The following TRPC1 variants were observed in gnomAD, a reference collection of about 807,000 sequenced individuals.
The protein encoded by TRPC1 is short transient receptor potential channel 1.
A neutral mutation model predicts 88.2 loss-of-function variants in TRPC1; 42 were observed. The ratio of observed to expected loss-of-function variants is 0.48; its 90% CI spans 0.37 to 0.62. TRPC1 has a LOEUF of 0.62. Ranked by LOEUF, TRPC1 falls within the 20% of genes least tolerant of loss-of-function variation. The pLI is 0.00. For missense variants in TRPC1, 699 were observed against 957.3 expected (o/e 0.73, Z 3.56); for synonymous variants, 288 against 331.8 (o/e 0.87, Z 1.43).
intron 5 of TRPC1, 57 bp from the exon 6 acceptor site, chr3:142,780,777 T>A: frequency 2.0e-6 from 3 of 1,491,266 alleles, no homozygotes; most frequent in Non-Finnish European, 1.8e-6. Flanking sequence ...TTAGTGAATA[T>A]AGCTTAATTA....
intron 4 of TRPC1, among the ~76,000 whole-genome samples, chr3:142,758,068 AT>A (rs958710458): frequency 4.0e-5 from 6 of 150,766 alleles, no homozygotes; most frequent in South Asian, 4.2e-4. Flanking sequence ...TATTCTTTCT[AT>A]TTTTTTTTGT....
chr3:142,763,983 T>TATATATATATATATACACAC (rs1441314374), intron 4 of TRPC1, among the ~76,000 whole-genome samples: 1 of 74,348 alleles, frequency 1.3e-5, no homozygotes. Context: ...TATATATATA[T>TATATATATATATATACACAC]ACACATACAT....
At chr3:142,729,082 T>C (rs191216910) in intron 1 of TRPC1, among the ~76,000 whole-genome samples, 1 of 152,340 alleles carries the variant, frequency 6.6e-6, no homozygotes, top group Admixed American at 6.5e-5. Flanking sequence ...TTTTACAATG[T>C]AATAGTTGAA....
In TRPC1 at chr3:142,807,571, T is replaced by C. The variant is rs559740756; in HGVS notation, c.*1336T>C. Reference sequence around the variant, plus strand: ...ACCGATCCAGGGATCATTGTCTAAATAGGTTACTATTGTTTGTTTCATCTT... The same window carrying C: ...ACCGATCCAGGGATCATTGTCTAAACAGGTTACTATTGTTTGTTTCATCTT... On this transcript the variant is annotated 3_prime_UTR_variant, in exon 13 of 13. Coordinates refer to ENST00000476941, the MANE Select transcript of TRPC1 (RefSeq NM_001251845.2). 6.6e-6 allele frequency: 1 copy of C among 152,348 alleles called. No homozygotes were observed. Among genetic ancestry groups the C allele is most frequent in the Admixed American group, 6.5e-5 (1 of 15,304 alleles). The allele number at this position is 152,348 out of a possible 1,614,324, so 9.4% of individuals were successfully genotyped here. A position where few individuals can be genotyped will look rare whatever the true frequency, so the allele number is the denominator to read the frequency against.
chr3:142,764,235 T>C (rs1192771368), intron 4 of TRPC1, among the ~76,000 whole-genome samples: 1 of 152,002 alleles, frequency 6.6e-6, no homozygotes, highest in Non-Finnish European at 1.5e-5. Flanking sequence ...ATAGTTATTA[T>C]TGTTTTTGAT....
At chr3:142,772,731 G>A (rs1469172814) in intron 4 of TRPC1, among the ~76,000 whole-genome samples, 1 of 152,148 alleles carries the variant, frequency 6.6e-6, no homozygotes, top group Non-Finnish European at 1.5e-5. Flanking sequence ...AGGCTGCAGT[G>A]AGCTGAGATC....
intron 1 of TRPC1, among the ~76,000 whole-genome samples, chr3:142,733,277 C>T (rs1222538122): frequency 2.0e-5 from 3 of 152,070 alleles, no homozygotes; most frequent in Non-Finnish European, 4.4e-5. Flanking sequence ...TTTGGGAGGC[C>T]AAGGCGGGCA....
intron 4 of TRPC1, among the ~76,000 whole-genome samples, chr3:142,752,308 T>C (rs3207938): frequency 3.4e-4 from 52 of 151,712 alleles, no homozygotes; most frequent in African/African-American, 1.2e-3. Flanking sequence ...ACAAAATACA[T>C]GTGAGCAAAA....
rs1560113862 is a variant in TRPC1, at chr3:142,785,019, C to T, written c.1276C>T (p.Leu426Phe). The T allele has an allele frequency of 3.1e-6, 5 of 1,604,854 alleles. No individual in the cohort carries two copies. The Admixed American group carries it at 5.1e-5, about 16-fold the overall frequency. Reference protein sequence around the residue: ...MGPALERIDYLLILWIIGMIW... With the variant: ...MGPALERIDYFLILWIIGMIW... ...GCCAGCCCTTGAAAGAATAGACTAT[C>T]TTCTTATTCTGTGGATTATTGGTAA... The change falls in exon 7 of 13, where the codon CTT becomes TTT. Residue 426 changes from leucine to phenylalanine, a missense_variant. Physicochemically the swap from Leu to Phe is conservative, Grantham distance 22 (BLOSUM62 0). Around this residue, in one of 4 missense-constraint regions of TRPC1, gnomAD observed 426 missense variants for 641.3 expected, o/e 0.66. Transcript: ENST00000476941.
chr3:142,742,158 G>C (rs911083150), intron 2 of TRPC1, among the ~76,000 whole-genome samples: 5 of 120,670 alleles, frequency 4.1e-5, no homozygotes, highest in East Asian at 2.2e-4. Context: ...GCAAGACTCT[G>C]TCTCAAAAAA....
intron 9 of TRPC1, among the ~76,000 whole-genome samples, chr3:142,796,898 T>G (rs1052400217): frequency 6.6e-6 from 1 of 152,132 alleles, no homozygotes; most frequent in Non-Finnish European, 1.5e-5. Flanking sequence ...GTTTTACTCC[T>G]GCTGTCCAAG....
intron 4 of TRPC1, among the ~76,000 whole-genome samples, chr3:142,774,510 G>T (rs1390515041): frequency 6.6e-6 from 1 of 152,166 alleles, no homozygotes; most frequent in Non-Finnish European, 1.5e-5. Flanking sequence ...ACCCTGGCAT[G>T]AAACTACAAG....
intron 7 of TRPC1, among the ~76,000 whole-genome samples, chr3:142,786,402 A>T (rs1252030205): frequency 1.3e-5 from 2 of 152,174 alleles, no homozygotes; most frequent in Non-Finnish European, 2.9e-5. Flanking sequence ...ATTTCAGGTA[A>T]CTAGATTGTA....
intron 4 of TRPC1, among the ~76,000 whole-genome samples, chr3:142,777,001 A>G (rs1359372855): frequency 6.6e-6 from 1 of 151,574 alleles, no homozygotes; most frequent in African/African-American, 2.4e-5. Flanking sequence ...TGTTATTAGC[A>G]TATTTTATTT....
intron 4 of TRPC1, among the ~76,000 whole-genome samples, chr3:142,759,184 T>C (rs1935091747): frequency 6.6e-6 from 1 of 152,226 alleles, no homozygotes. Context: ...CCTTTGGGTA[T>C]ATACCCAGTA....
In TRPC1 at chr3:142,767,069, C is replaced by G. The variant is rs141114438; in HGVS notation, c.633-10563C>G. 1.3e-5 allele frequency among the ~76,000 whole-genome samples: 2 copies of G among 152,268 alleles called. No homozygotes were observed. The highest frequency in any genetic ancestry group is 3.9e-4 in the East Asian group (2 of 5,188). The stretch of plus-strand genomic sequence containing the variant: ...TGCCATCTTAAAAATATTGAATTAT[C>G]CAACCATTGAACATGGTATATCTCT... On this transcript the variant is annotated intron_variant, in intron 4 of 12. Transcript: ENST00000476941. This position sits in a 1 kb window ranked among gnomAD's most constrained non-coding sequence, Gnocchi z 5.1.
intron 3 of TRPC1, among the ~76,000 whole-genome samples, chr3:142,746,348 A>G (rs368371680): frequency 6.6e-6 from 1 of 152,122 alleles, no homozygotes; most frequent in East Asian, 1.9e-4. Context: ...GATGTTTTTC[A>G]TACAGTTAAG....
intron 6 of TRPC1, among the ~76,000 whole-genome samples, chr3:142,782,839 T>C (rs1436999001): frequency 6.6e-6 from 1 of 152,196 alleles, no homozygotes; most frequent in East Asian, 1.9e-4. Context: ...GGTACATACA[T>C]GTGACCTCTG....
chr3:142,791,525 C>G (rs551323177), intron 8 of TRPC1, among the ~76,000 whole-genome samples: 2 of 152,108 alleles, frequency 1.3e-5, no homozygotes, highest in African/African-American at 4.8e-5. Context: ...CAATAGGAAA[C>G]CAAGACTGGA....
Sources: gnomAD v4.1 joint callset for allele counts (sites outside exome capture counted in the v4.1 genomes callset) on GRCh38, gnomAD v4.1.1 for gene constraint, gnomAD v4.1.1 regional missense constraint, Gnocchi (gnomAD v3.1) non-coding constraint, MANE v1.5 for transcripts, NCBI Gene and HGNC (gene_info 2026-07-23, HGNC 2026-07-21) for gene names.